The following SGIP1 variants were observed in gnomAD, a reference collection of about 807,000 sequenced individuals.
SGIP1 encodes the protein SH3GL interacting endocytic adaptor 1.
Under a neutral mutation model 107.5 loss-of-function variants are expected in SGIP1, and 38 were observed. That is an observed-to-expected ratio of 0.35 (90% confidence interval 0.27 to 0.46). The LOEUF is 0.46. Ranked by LOEUF, SGIP1 falls within the 20% of genes least tolerant of loss-of-function variation. The probability of loss-of-function intolerance (pLI) is 1.00; values close to 1 mark genes in which losing one functional copy is unlikely to be tolerated. For synonymous variants in SGIP1, 365 were observed against 366.1 expected (o/e 1.00, Z 0.03); for missense variants, 929 against 1,019.5 (o/e 0.91, Z 1.21).
At chr1:66,684,152 T>A in intron 15 of SGIP1, 1 of 1,550,612 alleles carries the variant, frequency 6.4e-7, no homozygotes, top group Non-Finnish European at 8.7e-7. Flanking sequence ...TGCCCAAGTT[T>A]ACAAGCTGGA....
intron 1 of SGIP1, among the ~76,000 whole-genome samples, chr1:66,592,583 C>A (rs2063827976): frequency 6.6e-6 from 1 of 152,150 alleles, no homozygotes; most frequent in South Asian, 2.1e-4. Flanking sequence ...ATTTATAAAC[C>A]TACATAGACA....
chr1:66,549,782 T>G (rs1040816163), intron 1 of SGIP1, among the ~76,000 whole-genome samples: 2 of 152,154 alleles, frequency 1.3e-5, no homozygotes, highest in South Asian at 2.1e-4. Flanking sequence ...CCAGCTTGCC[T>G]AGTTTCTGAC....
chr1:66,624,193 CA>C (rs1003107448), intron 1 of SGIP1, among the ~76,000 whole-genome samples: 5 of 152,150 alleles, frequency 3.3e-5, no homozygotes, highest in African/African-American at 1.2e-4. Flanking sequence ...GAAGCTAAAA[CA>C]GAAGCAAAGA....
At chr1:66,597,076 C>T (rs1245755750) in intron 1 of SGIP1, among the ~76,000 whole-genome samples, 1 of 152,122 alleles carries the variant, frequency 6.6e-6, no homozygotes, top group Non-Finnish European at 1.5e-5. Flanking sequence ...AGTACATGTG[C>T]AGGTTTATTT....
chr1:66,733,993 G>A, intron 21 of SGIP1, 113 bp downstream of exon 21: 1 of 1,181,192 alleles, frequency 8.5e-7, no homozygotes, highest in Non-Finnish European at 1.1e-6. Flanking sequence ...GTATTTAAAA[G>A]CTATAACTCA....
At chr1:66,572,345 G>C (rs1276876108) in intron 1 of SGIP1, among the ~76,000 whole-genome samples, 3 of 152,044 alleles carry the variant, frequency 2.0e-5, no homozygotes. Flanking sequence ...CTGTCATTAA[G>C]ATTTAATGAT....
Position 66,667,591 on chromosome 1 carries a change from G to A in SGIP1, c.483+50G>A, listed in dbSNP as rs201847632. 3 of 1,588,076 alleles carry A rather than the reference G, an allele frequency of 1.9e-6. No individual in the cohort carries two copies. The Admixed American group carries it at 5.0e-5, about 26-fold the overall frequency. On this transcript the variant is annotated intron_variant, in intron 9 of 24. Transcript: ENST00000371037. The stretch of plus-strand genomic sequence containing the variant: ...TTAAACATGTATAGAGAAAATTGCT[G>A]CCAAGGCAAGGTGGCCAGGTTGGTT...
intron 15 of SGIP1, among the ~76,000 whole-genome samples, chr1:66,683,859 A>G (rs993433472): frequency 6.6e-6 from 1 of 151,582 alleles, no homozygotes; most frequent in Non-Finnish European, 1.5e-5. Flanking sequence ...GTGTGCCACC[A>G]GACCCAGCTA....
chr1:66,691,848 G>C (rs2089922845), intron 17 of SGIP1, among the ~76,000 whole-genome samples: 1 of 152,138 alleles, frequency 6.6e-6, no homozygotes, highest in Non-Finnish European at 1.5e-5. Context: ...GTGATTCATA[G>C]AGAAAATAGC....
intron 18 of SGIP1, among the ~76,000 whole-genome samples, chr1:66,714,502 C>A (rs567644179): frequency 6.6e-6 from 1 of 152,152 alleles, no homozygotes; most frequent in African/African-American, 2.4e-5. Context: ...CATATTTGTG[C>A]CCTCACCATC....
At chr1:66,609,955 T>A (rs191778714) in intron 1 of SGIP1, among the ~76,000 whole-genome samples, 1 of 152,198 alleles carries the variant, frequency 6.6e-6, no homozygotes, top group African/African-American at 2.4e-5. Flanking sequence ...AAAGTCACCC[T>A]TTACTTTCCT....
At chr1:66,690,021 C>T (rs1426151177) in intron 16 of SGIP1, among the ~76,000 whole-genome samples, 169 bp from the exon 17 acceptor site, 1 of 152,220 alleles carries the variant, frequency 6.6e-6, no homozygotes, top group African/African-American at 2.4e-5. Context: ...TCTCCAGCTC[C>T]ATTCCACAAA....
intron 1 of SGIP1, among the ~76,000 whole-genome samples, chr1:66,561,783 T>C (rs1217673910): frequency 6.6e-6 from 1 of 152,068 alleles, no homozygotes; most frequent in Non-Finnish European, 1.5e-5. Context: ...CTGCTTTAGA[T>C]AGCAGAGGCC....
chr1:66,624,432 C>T (rs1307294815), intron 1 of SGIP1, among the ~76,000 whole-genome samples: 3 of 151,988 alleles, frequency 2.0e-5, no homozygotes, highest in African/African-American at 4.8e-5. Context: ...TGGAGAGTAA[C>T]GGAAAATAGT....
intron 1 of SGIP1, among the ~76,000 whole-genome samples, chr1:66,540,137 G>A (rs1571004281): frequency 6.6e-6 from 1 of 152,008 alleles, no homozygotes; most frequent in East Asian, 1.9e-4. Flanking sequence ...TATTCTCACT[G>A]GAGAAATAAA....
intron 7 of SGIP1, among the ~76,000 whole-genome samples, chr1:66,657,180 AAT>A (rs1458077881): frequency 1.3e-5 from 2 of 152,206 alleles, no homozygotes; most frequent in East Asian, 3.9e-4. Context: ...TATCTCTAAA[AAT>A]ATATCATATA....
intron 13 of SGIP1, among the ~76,000 whole-genome samples, chr1:66,679,203 A>T (rs1374623482): frequency 6.6e-6 from 1 of 152,202 alleles, no homozygotes; most frequent in African/African-American, 2.4e-5. Flanking sequence ...GGACACTAAG[A>T]TCCTGACTGG....
intron 10 of SGIP1, among the ~76,000 whole-genome samples, 163 bp from the exon 11 acceptor site, chr1:66,671,781 T>C (rs934136922): frequency 1.3e-5 from 2 of 152,242 alleles, no homozygotes; most frequent in African/African-American, 4.8e-5. Flanking sequence ...GCCTAATATA[T>C]GGCTGTTGCA....
intron 1 of SGIP1, among the ~76,000 whole-genome samples, chr1:66,549,558 T>A (rs564260460): frequency 2.5e-4 from 38 of 152,124 alleles, no homozygotes; most frequent in Non-Finnish European, 1.6e-4. Context: ...GTCAAACATA[T>A]TTCCTGTTAC....
Sources: gnomAD v4.1 joint callset for allele counts (sites outside exome capture counted in the v4.1 genomes callset) on GRCh38, gnomAD v4.1.1 for gene constraint, MANE v1.5 for transcripts, NCBI Gene and HGNC (gene_info 2026-07-23, HGNC 2026-07-21) for gene names.